The following TBC1D5 variants were observed in gnomAD, a reference collection of about 807,000 sequenced individuals.
The protein encoded by TBC1D5 is TBC1 domain family member 5.
Under a neutral mutation model 100.3 loss-of-function variants are expected in TBC1D5, and 75 were observed. That is an observed-to-expected ratio of 0.75 (90% CI 0.62 to 0.91). TBC1D5 has a LOEUF of 0.91. Among genes scored for constraint, TBC1D5 ranks in the 40% least tolerant of loss-of-function variants. The pLI, the probability that TBC1D5 is intolerant of heterozygous loss-of-function variation, is 0.00. For missense variants in TBC1D5, 910 were observed against 942.4 expected (o/e 0.97, Z 0.45); for synonymous variants, 323 against 325.6 (o/e 0.99, Z 0.09).
At chr3:17,359,305 T>C (rs1445027991) in intron 13 of TBC1D5, among the ~76,000 whole-genome samples, 2 of 152,100 alleles carry the variant, frequency 1.3e-5, no homozygotes, top group Non-Finnish European at 2.9e-5. Context: ...AAGCATCTTA[T>C]GACATTATGA....
intron 17 of TBC1D5, among the ~76,000 whole-genome samples, chr3:17,235,586 C>T (rs149953116): frequency 6.6e-6 from 1 of 152,242 alleles, no homozygotes; most frequent in African/African-American, 2.4e-5. Flanking sequence ...GCATAAAGAA[C>T]CAATGTTGGA....
At chr3:17,349,163 C>T (rs557579468) in intron 13 of TBC1D5, among the ~76,000 whole-genome samples, 5 of 152,178 alleles carry the variant, frequency 3.3e-5, no homozygotes, top group Non-Finnish European at 1.5e-5. Flanking sequence ...AAATGTCCCA[C>T]AATGTTTTAT....
intron 13 of TBC1D5, among the ~76,000 whole-genome samples, chr3:17,335,448 T>A (rs961437007): frequency 4.6e-5 from 7 of 152,262 alleles, no homozygotes; most frequent in Admixed American, 3.9e-4. Context: ...GTGCAATCAG[T>A]GACTCCACAC....
In TBC1D5 at chr3:17,697,203, G is replaced by C. The variant is rs1267536996; in HGVS notation, c.-101+42140C>G. ...CCTTGGAAAATCGGCACAAGACAAG[G>C]ATGCCCTCTCTCACCACTCGTATTC... On this transcript the variant is annotated intron_variant, in intron 1 of 21. Transcript: ENST00000253692. Among the ~76,000 whole-genome samples, 3 of 152,292 alleles carry C rather than the reference G, an allele frequency of 2.0e-5. No individual in the cohort carries two copies. In the East Asian group the frequency reaches 5.8e-4, roughly 29 times the overall value.
At chr3:17,713,391 G>A (rs1328398090) in intron 1 of TBC1D5, among the ~76,000 whole-genome samples, 3 of 151,896 alleles carry the variant, frequency 2.0e-5, no homozygotes, top group African/African-American at 4.8e-5. Flanking sequence ...ACAGGTGCCC[G>A]TCACCACGCC....
chr3:17,551,193 T>C (rs1414010405), intron 2 of TBC1D5, among the ~76,000 whole-genome samples: 1 of 152,158 alleles, frequency 6.6e-6, no homozygotes, highest in East Asian at 1.9e-4. Context: ...CCTATCATGC[T>C]GATCGGTCAT....
At chr3:17,314,003 C>T (rs1194326948) in intron 13 of TBC1D5, among the ~76,000 whole-genome samples, 1 of 152,116 alleles carries the variant, frequency 6.6e-6, no homozygotes, top group Non-Finnish European at 1.5e-5. Context: ...CTTTCCTGTT[C>T]CAGAAAGTGC....
rs1327221474 is a variant in TBC1D5, at chr3:17,236,071, C to G, written c.1588+2092G>C. The stretch of plus-strand genomic sequence containing the variant: ...TAAGTGCTCTGTTGTCTCCTTATAA[C>G]TGGGGACTTGGTTTTCATCAATTGT... On this transcript the variant is annotated intron_variant, in intron 17 of 21. Coordinates refer to ENST00000253692, the Ensembl canonical transcript of TBC1D5. Among the ~76,000 whole-genome samples the G allele has an allele frequency of 2.0e-5, 3 of 152,154 alleles. 1 individual carries two copies. The South Asian group carries it at 6.2e-4, about 32-fold the overall frequency.
At chr3:17,587,289 T>C (rs2096738784) in intron 2 of TBC1D5, among the ~76,000 whole-genome samples, 1 of 152,026 alleles carries the variant, frequency 6.6e-6, no homozygotes, top group Admixed American at 6.6e-5. Context: ...TATTATCAAC[T>C]TCCCCTAGAT....
intron 1 of TBC1D5, among the ~76,000 whole-genome samples, chr3:17,669,738 G>T (rs929422588): frequency 2.0e-5 from 3 of 151,120 alleles, no homozygotes; most frequent in African/African-American, 7.4e-5. Context: ...TGTTGTTTCA[G>T]GGGGCTGGCA....
At chr3:17,499,659 G>A (rs1415676794) in intron 3 of TBC1D5, among the ~76,000 whole-genome samples, 4 of 146,502 alleles carry the variant, frequency 2.7e-5, no homozygotes, top group Non-Finnish European at 5.9e-5. Context: ...TTGTACCACT[G>A]CCTGTGTGAA....
rs58035365 is a variant in TBC1D5, at chr3:17,363,660, G to C, written c.995+8415C>G. On this transcript the variant is annotated intron_variant, in intron 13 of 21. Transcript: ENST00000253692. ...ACTCCTGGCCTCAAGATATCTTCCC[G>C]CCACGACCTCTCAAAGCGCTGCGAT... 8.0e-4 allele frequency among the ~76,000 whole-genome samples: 120 copies of C among 150,920 alleles called. 2 individuals carry two copies. In the East Asian group the frequency reaches 0.012, roughly 15 times the overall value.
At chr3:17,264,055 T>C (rs575131272) in intron 15 of TBC1D5, among the ~76,000 whole-genome samples, 3 of 152,222 alleles carry the variant, frequency 2.0e-5, no homozygotes, top group East Asian at 1.9e-4. Context: ...TACTCTGCAC[T>C]CTGTAATGGA....
intron 16 of TBC1D5, among the ~76,000 whole-genome samples, chr3:17,250,512 T>C (rs2077089662): frequency 6.6e-6 from 1 of 152,232 alleles, no homozygotes. Flanking sequence ...ACCAATGTCA[T>C]TTGCTACCAC....
At chr3:17,708,808 C>T (rs2074417848) in intron 1 of TBC1D5, among the ~76,000 whole-genome samples, 1 of 152,210 alleles carries the variant, frequency 6.6e-6, no homozygotes, top group South Asian at 2.1e-4. Context: ...GCATATAATA[C>T]CTCTGGGTTC....
At chr3:17,667,355 A>G (rs2067378283) in intron 1 of TBC1D5, among the ~76,000 whole-genome samples, 1 of 152,234 alleles carries the variant, frequency 6.6e-6, no homozygotes, top group Non-Finnish European at 1.5e-5. Flanking sequence ...CACTTAAAAA[A>G]ACATAATTTA....
chr3:17,530,839 T>C (rs1433110533), intron 2 of TBC1D5, among the ~76,000 whole-genome samples: 1 of 152,214 alleles, frequency 6.6e-6, no homozygotes, highest in Non-Finnish European at 1.5e-5. Context: ...TATCTCAAAA[T>C]AATAAGAGCT....
intron 13 of TBC1D5, among the ~76,000 whole-genome samples, chr3:17,358,068 C>T (rs1169843764): frequency 6.6e-6 from 1 of 152,126 alleles, no homozygotes; most frequent in East Asian, 1.9e-4. Flanking sequence ...GGAAATTTAT[C>T]ATCTTCATGC....
rs139453350 is a variant in TBC1D5 at position 17,180,727 on chromosome 3, A to C, written c.1852+4382T>G. Among the ~76,000 whole-genome samples the C allele has an allele frequency of 2.9e-4, 44 of 152,280 alleles. 1 individual carries two copies. In the East Asian group the frequency reaches 8.3e-3, roughly 29 times the overall value. ...CAAGTGGGAGCTAAATAATGTGTAT[A>C]TATGGACATAGAGCATGGAATAATA... On this transcript the variant is annotated intron_variant, in intron 19 of 21. Coordinates refer to ENST00000253692, the Ensembl canonical transcript of TBC1D5.
Sources: gnomAD v4.1 joint callset for allele counts (sites outside exome capture counted in the v4.1 genomes callset) on GRCh38, gnomAD v4.1.1 for gene constraint, MANE v1.5 for transcripts, NCBI Gene and HGNC (gene_info 2026-07-23, HGNC 2026-07-21) for gene names.